The following XKR4 variants were observed in gnomAD, a reference collection of about 807,000 sequenced individuals.
XKR4 encodes the protein XK related 4.
A neutral mutation model predicts 53.9 loss-of-function variants in XKR4; 12 were observed. That is an observed-to-expected ratio of 0.22 (90% confidence interval 0.14 to 0.36). The LOEUF (loss-of-function observed/expected upper bound fraction) is 0.36, where lower values mean the gene tolerates loss of function less well. Ranked by LOEUF, XKR4 falls within the 10% of genes least tolerant of loss-of-function variation. The probability of loss-of-function intolerance (pLI) is 1.00; values close to 1 mark genes in which losing one functional copy is unlikely to be tolerated. For missense variants in XKR4, 799 were observed against 859.5 expected, an observed-to-expected ratio of 0.93 and a Z score of 0.88; for synonymous variants, 354 against 362.4, an observed-to-expected ratio of 0.98 and a Z score of 0.26.
Position 55,540,589 on chromosome 8 carries a change from C to G in XKR4, c.*16362C>G, listed in dbSNP as rs1027820271. 2 of 152,074 alleles carry G rather than the reference C, an allele frequency of 1.3e-5. No homozygotes were observed. Among genetic ancestry groups the G allele is most frequent in the African/African-American group, 4.8e-5 (2 of 41,412 alleles). The allele number at this position is 152,074 out of a possible 1,614,324, so 9.4% of individuals were successfully genotyped here. ...GACAGCTCAATAGCCTAGGGAGAGT[C>G]GATGAAGGATATGCAAATTACATTT... is the stretch of plus-strand genomic sequence containing the variant. On this transcript the variant is annotated 3_prime_UTR_variant, in exon 3 of 3. Transcript: ENST00000327381.
At chr8:55,273,845 T>C (rs1253568674) in intron 1 of XKR4, among the ~76,000 whole-genome samples, 1 of 152,196 alleles carries the variant, frequency 6.6e-6, no homozygotes, top group Non-Finnish European at 1.5e-5. Flanking sequence ...CTTAAATTAC[T>C]CTTTCTCTAT....
intron 1 of XKR4, among the ~76,000 whole-genome samples, chr8:55,339,643 T>A (rs1803512376): frequency 1.3e-5 from 2 of 152,222 alleles, no homozygotes; most frequent in African/African-American, 4.8e-5. Context: ...AATACTAGGC[T>A]TTCATAAAAC....
At chr8:55,513,419 CA>C (rs1183930827) in intron 2 of XKR4, among the ~76,000 whole-genome samples, 1 of 152,152 alleles carries the variant, frequency 6.6e-6, no homozygotes, top group Non-Finnish European at 1.5e-5. Context: ...CCAGCATGGT[CA>C]GGGGTGAGGC....
intron 1 of XKR4, among the ~76,000 whole-genome samples, chr8:55,266,223 T>C (rs1788310373): frequency 6.6e-6 from 1 of 151,596 alleles, no homozygotes; most frequent in African/African-American, 2.4e-5. Flanking sequence ...GGAGCAGGTA[T>C]GAGGCAAAGC....
chr8:55,156,782 A>G (rs982195663), intron 1 of XKR4, among the ~76,000 whole-genome samples: 3 of 152,248 alleles, frequency 2.0e-5, no homozygotes, highest in South Asian at 4.1e-4. Flanking sequence ...TTAAGTGTTC[A>G]GGGAGCCAAA....
intron 1 of XKR4, among the ~76,000 whole-genome samples, chr8:55,236,333 T>A (rs1404820388): frequency 6.6e-6 from 1 of 152,182 alleles, no homozygotes; most frequent in Non-Finnish European, 1.5e-5. Context: ...GGCCTGGATC[T>A]CCAGTGGTTC....
chr8:55,426,104 A>G (rs570802208), intron 2 of XKR4, among the ~76,000 whole-genome samples: 1 of 152,190 alleles, frequency 6.6e-6, no homozygotes, highest in Non-Finnish European at 1.5e-5. Flanking sequence ...GGGTGATATA[A>G]ACACTAAATA....
intron 1 of XKR4, among the ~76,000 whole-genome samples, chr8:55,194,498 G>T (rs1817480629): frequency 6.6e-6 from 1 of 152,190 alleles, no homozygotes; most frequent in African/African-American, 2.4e-5. Flanking sequence ...GCCAATCAAA[G>T]TTACAGAAAG....
chr8:55,294,870 AT>A (rs1419453800), intron 1 of XKR4, among the ~76,000 whole-genome samples: 17 of 152,298 alleles, frequency 1.1e-4, no homozygotes, highest in Non-Finnish European at 2.4e-4. Flanking sequence ...AGACCTCAGG[AT>A]ATGAGTAGGG....
chr8:55,256,978 C>A (rs376761549), intron 1 of XKR4, among the ~76,000 whole-genome samples: 1 of 152,282 alleles, frequency 6.6e-6, no homozygotes, highest in South Asian at 2.1e-4. Context: ...ATAAATGGCA[C>A]CTACTTGCTG....
rs75739891 is a variant in XKR4 at position 55,280,636 on chromosome 8, G to A, written c.807-77042G>A. ...ATAAATATACTCACTCTTTACTTTG[G>A]CATAACCATTTATAATCCTTAAGGA... On this transcript the variant is annotated intron_variant, in intron 1 of 2. Coordinates refer to ENST00000327381, the MANE Select transcript of XKR4 (RefSeq NM_052898.2). 9.6e-3 allele frequency among the ~76,000 whole-genome samples: 1,459 copies of A among 152,124 alleles called. 19 individuals are homozygous for A. Among genetic ancestry groups the A allele is most frequent in the Middle Eastern group, 0.031 (9 of 294 alleles).
chr8:55,475,410 TTGTTG>T (rs1805965916), intron 2 of XKR4, among the ~76,000 whole-genome samples: 2 of 151,728 alleles, frequency 1.3e-5, no homozygotes, highest in Non-Finnish European at 2.9e-5. Context: ...GTTGTTGTTG[TTGTTG>T]TTAGGCTATT....
At chr8:55,474,705 A>G (rs1439829156) in intron 2 of XKR4, among the ~76,000 whole-genome samples, 2 of 152,168 alleles carry the variant, frequency 1.3e-5, no homozygotes, top group Non-Finnish European at 2.9e-5. Flanking sequence ...TTAATTAATC[A>G]CAAATCCCTA....
rs556735985 is a variant in XKR4, at chr8:55,257,474, G to A, written c.807-100204G>A. On this transcript the variant is annotated intron_variant, in intron 1 of 2. Coordinates refer to ENST00000327381, the MANE Select transcript of XKR4 (RefSeq NM_052898.2). ...AGAGAGAGAGAGAGAGAAAGAGAGA[G>A]AAAGGGCATGTACTTAAGAGAAGAA... 3.1e-3 allele frequency among the ~76,000 whole-genome samples: 476 copies of A among 151,912 alleles called. 1 individual carries two copies. Among genetic ancestry groups the A allele is most frequent in the Non-Finnish European group, 5.2e-3 (352 of 67,942 alleles).
intron 1 of XKR4, among the ~76,000 whole-genome samples, chr8:55,132,780 A>C (rs1445288246): frequency 6.6e-6 from 1 of 152,176 alleles, no homozygotes. Flanking sequence ...GGAGTGGTGC[A>C]TCCAGGATGT....
intron 2 of XKR4, among the ~76,000 whole-genome samples, chr8:55,514,290 C>T (rs1806679239): frequency 7.5e-6 from 1 of 133,550 alleles, no homozygotes; most frequent in South Asian, 2.4e-4. Context: ...CTCACTCACT[C>T]TTGTCACCCA....
chr8:55,149,360 G>A (rs187688437), intron 1 of XKR4, among the ~76,000 whole-genome samples: 1 of 152,034 alleles, frequency 6.6e-6, no homozygotes, highest in Non-Finnish European at 1.5e-5. Flanking sequence ...GCTGCCTTAC[G>A]CTGTGACGTA....
chr8:55,442,918 TTAAA>T (rs1805290943), intron 2 of XKR4, among the ~76,000 whole-genome samples: 2 of 152,254 alleles, frequency 1.3e-5, no homozygotes, highest in South Asian at 2.1e-4. Context: ...ATTGTACACT[TTAAA>T]TAGGTGAATG....
intron 1 of XKR4, among the ~76,000 whole-genome samples, chr8:55,134,577 AC>A (rs1373930390): frequency 4.1e-4 from 62 of 152,366 alleles, no homozygotes; most frequent in African/African-American, 1.4e-3. Flanking sequence ...GGTGTCTCTT[AC>A]ATAGTGGGAA....
Sources: allele counts gnomAD v4.1 joint callset (sites outside exome capture counted in the v4.1 genomes callset), GRCh38; gene constraint gnomAD v4.1.1; transcripts MANE v1.5; gene names NCBI Gene and HGNC (gene_info 2026-07-23, HGNC 2026-07-21).